The following TSHR variants were observed in gnomAD, a reference collection of about 807,000 sequenced individuals.
TSHR encodes thyrotropin receptor.
A neutral mutation model predicts 64.1 loss-of-function variants in TSHR; 51 were observed. The observed-to-expected ratio is 0.80, with a 90% CI of 0.64 to 1.01. TSHR has a LOEUF of 1.01. Ranked by LOEUF, TSHR falls within the 50% of genes least tolerant of loss-of-function variation. TSHR has a pLI of 0.00. For synonymous variants in TSHR, 361 were observed against 361.9 expected (o/e 1.00, Z 0.03); for missense variants, 877 against 942.8 (o/e 0.93, Z 0.91).
At chr14:80,984,570 C>G (rs1031994154) in intron 1 of TSHR, among the ~76,000 whole-genome samples, 2 of 152,194 alleles carry the variant, frequency 1.3e-5, no homozygotes, top group African/African-American at 4.8e-5. Context: ...ACACCAGAAC[C>G]CATCTCACCA....
intron 3 of TSHR, among the ~76,000 whole-genome samples, chr14:81,071,780 A>C (rs942712331): frequency 1.3e-5 from 2 of 152,148 alleles, no homozygotes; most frequent in Non-Finnish European, 2.9e-5. Context: ...TAAATAAATA[A>C]ATAAATAGTC....
Position 81,143,253 on chromosome 14 carries a change from A to G in TSHR, c.1195A>G (p.Thr399Ala), listed in dbSNP as rs1168920673. ...ICGDSEDMVC[T>A]PKSDEFNPCE... is the part of the protein sequence containing the mutation. Reference sequence around the variant, plus strand: ...TGGGGACAGTGAAGACATGGTGTGTACCCCCAAGTCCGATGAGTTCAACCC... The same window carrying G: ...TGGGGACAGTGAAGACATGGTGTGTGCCCCCAAGTCCGATGAGTTCAACCC... The change falls in exon 10 of 10, where the codon ACC (threonine) becomes GCC (alanine). Residue 399 changes from threonine (T) to alanine (A), a missense_variant. Transcript: ENST00000298171. The G allele has an allele frequency of 1.2e-6, 2 of 1,614,098 alleles. No homozygotes were observed. Among genetic ancestry groups the G allele is most frequent in the Non-Finnish European group, 1.7e-6 (2 of 1,180,032 alleles).
chr14:81,091,791 C>G (rs1168286405), intron 5 of TSHR, among the ~76,000 whole-genome samples: 1 of 152,196 alleles, frequency 6.6e-6, no homozygotes, highest in Non-Finnish European at 1.5e-5. Context: ...AAGGAACAGT[C>G]AGAAGTGGTA....
chr14:80,983,369 C>G (rs1160212152), intron 1 of TSHR: 3 of 1,105,216 alleles, frequency 2.7e-6, no homozygotes, highest in Non-Finnish European at 3.9e-6. Flanking sequence ...TGAGAAAGTA[C>G]AAAACCAGAC....
chr14:81,047,456 C>G (rs1479923757), intron 1 of TSHR, among the ~76,000 whole-genome samples: 1 of 152,068 alleles, frequency 6.6e-6, no homozygotes, highest in South Asian at 2.1e-4. Flanking sequence ...ATTGAAAATG[C>G]CTTAAGACAA....
At chr14:81,036,967 AC>A (rs1403468545) in intron 1 of TSHR, among the ~76,000 whole-genome samples, 5 of 151,778 alleles carry the variant, frequency 3.3e-5, no homozygotes, top group African/African-American at 9.7e-5. Context: ...AAATGGTGAA[AC>A]CCCATCTCTA....
intron 1 of TSHR, among the ~76,000 whole-genome samples, chr14:81,061,646 G>A (rs1311673847): frequency 6.6e-6 from 1 of 152,026 alleles, no homozygotes; most frequent in African/African-American, 2.4e-5. Context: ...TGAAGGCAGA[G>A]GGTGGGAGGA....
intron 3 of TSHR, among the ~76,000 whole-genome samples, chr14:81,070,251 C>A (rs189256095): frequency 3.3e-4 from 50 of 152,210 alleles, no homozygotes; most frequent in African/African-American, 1.1e-3. Flanking sequence ...GTACTGCAAA[C>A]CCCGAAAGGA....
chr14:81,077,304 A>T (rs951811366), intron 3 of TSHR, among the ~76,000 whole-genome samples: 2 of 152,242 alleles, frequency 1.3e-5, no homozygotes, highest in Admixed American at 6.5e-5. Flanking sequence ...AAATGAAACA[A>T]TGTATTCTGA....
intron 1 of TSHR, among the ~76,000 whole-genome samples, chr14:81,054,777 G>A (rs903667337): frequency 2.6e-5 from 4 of 152,098 alleles, no homozygotes; most frequent in African/African-American, 9.7e-5. Context: ...AAGCATCAAA[G>A]CATTCAAGAT....
At chr14:80,965,614 T>C (rs754274650) in intron 1 of TSHR, among the ~76,000 whole-genome samples, 12 of 152,218 alleles carry the variant, frequency 7.9e-5, no homozygotes, top group Non-Finnish European at 1.2e-4. Context: ...TTACTCTCTT[T>C]CATTACATTA....
chr14:81,025,352 A>G (rs868708382), intron 1 of TSHR, among the ~76,000 whole-genome samples: 37 of 152,328 alleles, frequency 2.4e-4, no homozygotes, highest in Middle Eastern at 6.8e-3. Context: ...AAAAGGATTC[A>G]ATATGTTTAT....
Position 81,087,935 on chromosome 14 carries a change from T to G in TSHR, c.318-19T>G. On this transcript the variant is annotated intron_variant, in intron 3 of 9. Coordinates refer to ENST00000298171, the MANE Select transcript of TSHR (RefSeq NM_000369.5). ...ATACGGATGCATTATAGTGACTGTG[T>G]TCCTTGTAACTTATACAGAGAAATT... 1 of 1,573,372 alleles carries G rather than the reference T, an allele frequency of 6.4e-7. No homozygotes were observed. Among genetic ancestry groups the G allele is most frequent in the South Asian group, 1.1e-5 (1 of 90,236 alleles).
chr14:81,077,019 A>G (rs1449993254), intron 3 of TSHR, among the ~76,000 whole-genome samples: 1 of 151,850 alleles, frequency 6.6e-6, no homozygotes, highest in Non-Finnish European at 1.5e-5. Flanking sequence ...CTGCCTAGAC[A>G]TTTATTTCTC....
At chr14:80,986,706 C>T (rs1888471504) in intron 1 of TSHR, among the ~76,000 whole-genome samples, 1 of 152,182 alleles carries the variant, frequency 6.6e-6, no homozygotes, top group Middle Eastern at 3.2e-3. Flanking sequence ...AGGCTGGTCT[C>T]AAACGCTTGA....
intron 1 of TSHR, among the ~76,000 whole-genome samples, chr14:81,015,575 A>G (rs1890139464): frequency 6.6e-6 from 1 of 152,182 alleles, no homozygotes; most frequent in Non-Finnish European, 1.5e-5. Flanking sequence ...ATCGTAGAAT[A>G]GCTAAATGAT....
At chr14:81,095,567 C>G (rs7144998) in intron 6 of TSHR, 38,992 of 151,230 alleles carry the variant, frequency 0.26, 7,411 homozygotes, top group African/African-American at 0.54. Context: ...GCCAGACTCC[C>G]TGTCAAAAAA....
chr14:81,122,020 CTTTTTTTTTTTTTTTTTTTTTTT>C lies in TSHR; in HGVS notation c.692+13587_692+13609del, dbSNP rs1161879777. Among the ~76,000 whole-genome samples, 361 of 44,900 alleles carry C rather than the reference CTTTTTTTTTTTTTTTTTTTTTTT, an allele frequency of 8.0e-3. 2 individuals carry two copies. The highest frequency in any genetic ancestry group is 0.022 in the African/African-American group (268 of 12,120). The allele number at this position is 44,900 out of a possible 152,430, so 29.5% of individuals were successfully genotyped here. A position where few individuals can be genotyped will look rare whatever the true frequency, so the allele number is the denominator to read the frequency against. On this transcript the variant is annotated intron_variant, in intron 8 of 9. Coordinates refer to ENST00000298171, the MANE Select transcript of TSHR (RefSeq NM_000369.5). ...CTGGTTTGAGATGTGTTTTCTTTTC[CTTTTTTTTTTTTTTTTTTTTTTT>C]TTTTTTTTTTTTTTTTTTGAGACGA...
chr14:81,128,712 A>G (rs778109940), intron 8 of TSHR, among the ~76,000 whole-genome samples: 37 of 152,214 alleles, frequency 2.4e-4, no homozygotes, highest in Middle Eastern at 6.8e-3. Flanking sequence ...GTTGGGCACT[A>G]GTTGTTTTCT....
Sources: allele counts gnomAD v4.1 joint callset (sites outside exome capture counted in the v4.1 genomes callset), GRCh38; gene constraint gnomAD v4.1.1; transcripts MANE v1.5; gene names NCBI Gene and HGNC (gene_info 2026-07-23, HGNC 2026-07-21).